EIF2AK2: variants seen among roughly 807,000 people sequenced by gnomAD.
EIF2AK2 encodes eukaryotic translation initiation factor 2 alpha kinase 2, also known as interferon-induced, double-stranded RNA-activated protein kinase.
EIF2AK2 carries 40 observed loss-of-function variants against 70.5 expected under a neutral mutation model. That is an observed-to-expected ratio of 0.57 (90% CI 0.44 to 0.74). The LOEUF is 0.74. EIF2AK2 is among the 30% of genes least tolerant of loss of function. EIF2AK2 has a pLI of 0.00. For missense variants in EIF2AK2, 555 were observed against 644.3 expected (o/e 0.86, Z 1.50); for synonymous variants, 198 against 220.9 (o/e 0.90, Z 0.92).
At chr2:37,154,837 C>T (rs556999398) in intron 1 of EIF2AK2, among the ~76,000 whole-genome samples, 15 of 152,308 alleles carry the variant, frequency 9.8e-5, no homozygotes, top group African/African-American at 3.1e-4. Context: ...GCTGCGATTA[C>T]AGGCATGAGC....
At chr2:37,141,485 C>T (rs1675328767) in intron 5 of EIF2AK2, 68 bp downstream of exon 5, 9 of 1,562,788 alleles carry the variant, frequency 5.8e-6, no homozygotes, top group Non-Finnish European at 7.8e-6. Flanking sequence ...GAAAATTAGA[C>T]ACGAAAATAA....
intron 13 of EIF2AK2, among the ~76,000 whole-genome samples, chr2:37,117,657 A>T (rs1048496807): frequency 1.3e-5 from 2 of 152,242 alleles, no homozygotes; most frequent in African/African-American, 4.8e-5. Context: ...GAGGCACAGG[A>T]ACAGGACTGA....
chr2:37,154,340 A>C (rs1049830473), intron 1 of EIF2AK2, among the ~76,000 whole-genome samples: 6 of 152,100 alleles, frequency 3.9e-5, no homozygotes, highest in African/African-American at 1.4e-4. Context: ...AAAAAAACAA[A>C]AACAAAACAA....
At chr2:37,126,785 C>G (rs1156823022) in intron 10 of EIF2AK2, among the ~76,000 whole-genome samples, 1 of 151,596 alleles carries the variant, frequency 6.6e-6, no homozygotes, top group Non-Finnish European at 1.5e-5. Context: ...GGTGAAACCC[C>G]GTCTCTACTA....
At position 37,135,028 on chromosome 2, in the gene EIF2AK2, G is replaced by A. The variant is rs564331795; in HGVS notation, c.785+456C>T. Among the ~76,000 whole-genome samples the A allele has an allele frequency of 5.3e-5, 8 of 152,218 alleles. No homozygotes were observed. In the South Asian group the frequency reaches 1.7e-3, roughly 32 times the overall value. Reference sequence around the variant, plus strand: ...TAAAGCTCTTTCCACAGAATTACAGGGTTCTTTAGAAGATATAGCCTGAAG... The same window carrying A: ...TAAAGCTCTTTCCACAGAATTACAGAGTTCTTTAGAAGATATAGCCTGAAG... On this transcript the variant is annotated intron_variant, in intron 10 of 16. Transcript: ENST00000233057.
Position 37,139,657 on chromosome 2 carries a change from G to A in EIF2AK2, c.490C>T (p.Gln164Ter). ...KQLAAKLAYL[Q>*]ILSEETSVKS... The stretch of plus-strand genomic sequence containing the variant: ...ACTGAGGTTTCTTCTGATAATATCT[G>A]AAGATATGCAAGTTTAGCGGCCAAT... Residue 164 changes from glutamine to a stop codon, truncating the protein, a stop_gained, in exon 6 of 17, where the codon CAG becomes TAG. Transcript: ENST00000233057. LOFTEE classifies it high-confidence loss of function. The A allele has an allele frequency of 3.7e-6, 6 of 1,613,976 alleles. No homozygotes were observed. The highest frequency in any genetic ancestry group is 5.1e-6 in the Non-Finnish European group (6 of 1,179,988).
At chr2:37,123,192 C>T (rs190865036) in intron 11 of EIF2AK2, among the ~76,000 whole-genome samples, 119 of 151,820 alleles carry the variant, frequency 7.8e-4, no homozygotes, top group African/African-American at 2.8e-3. Context: ...TAAAAGGCAG[C>T]GACTTAATGC....
chr2:37,151,880 C>T (rs991868162), intron 1 of EIF2AK2, among the ~76,000 whole-genome samples: 1 of 152,198 alleles, frequency 6.6e-6, no homozygotes, highest in Non-Finnish European at 1.5e-5. Context: ...AGATCGAGAC[C>T]ACGGTGAAAC....
intron 4 of EIF2AK2, 140 bp downstream of exon 4, chr2:37,146,710 ATAG>A: frequency 1.0e-6 from 1 of 999,116 alleles, no homozygotes; most frequent in Non-Finnish European, 1.4e-6. Context: ...AGAAATGAAG[ATAG>A]GGTGAATGAC....
At chr2:37,111,929 C>A (rs1381451874) in intron 14 of EIF2AK2, among the ~76,000 whole-genome samples, 1 of 134,432 alleles carries the variant, frequency 7.4e-6, no homozygotes, top group African/African-American at 2.8e-5. Context: ...AAATCTCTCT[C>A]TCTCTCTCTC....
At position 37,147,713 on chromosome 2, in the gene EIF2AK2, T is replaced by C. The variant is rs1245925198; in HGVS notation, c.94A>G (p.Asn32Asp). 6.2e-7 allele frequency: 1 copy of C among 1,612,822 alleles called. No homozygotes were observed. The highest frequency in any genetic ancestry group is 8.5e-7 in the Non-Finnish European group (1 of 1,179,264). Residue 32 changes from asparagine (N) to aspartate (D), a missense_variant, in exon 3 of 17, where the codon AAT (asparagine) becomes GAT (aspartate). Physicochemically the swap from Asn to Asp is conservative, Grantham distance 23. This residue lies in a region of EIF2AK2 where 48 missense variants were observed against 77.1 expected (regional missense o/e 0.62). Transcript: ENST00000233057. ...GVVLKYQELPNSGPPHDRRFT... is the reference protein window; with the variant it reads ...GVVLKYQELPDSGPPHDRRFT... Reference sequence around the variant, plus strand: ...CTCCTATCATGTGGAGGTCCTGAATTAGGCAGTTCTTGATATTTAAGTACT... The same window carrying C: ...CTCCTATCATGTGGAGGTCCTGAATCAGGCAGTTCTTGATATTTAAGTACT...
chr2:37,115,315 G>T (rs936168431), intron 13 of EIF2AK2: 4 of 151,014 alleles, frequency 2.6e-5, no homozygotes, highest in African/African-American at 1.0e-4. Context: ...ACCCACCTTG[G>T]CCTCCCAAAG....
At chr2:37,147,058 T>A in intron 3 of EIF2AK2, 85 bp from the exon 4 acceptor site, 1 of 1,308,198 alleles carries the variant, frequency 7.6e-7, no homozygotes, top group Non-Finnish European at 1.0e-6. Context: ...CTACCTCCTA[T>A]GACTACCTTT....
At position 37,120,502 on chromosome 2, in the gene EIF2AK2, G is replaced by A. The variant is rs1467199417; in HGVS notation, c.1068-363C>T. The stretch of plus-strand genomic sequence containing the variant: ...AGCCTGGGTGACAGAGCGAGATTCC[G>A]TCTCACAAAAAAAAAAAAAAAAAGA... On this transcript the variant is annotated intron_variant, in intron 12 of 16. Coordinates refer to ENST00000233057, the MANE Select transcript of EIF2AK2 (RefSeq NM_001135651.3). Among the ~76,000 whole-genome samples the A allele has an allele frequency of 1.1e-4, 6 of 53,166 alleles. No homozygotes were observed. The East Asian group carries it at 3.4e-3, about 30-fold the overall frequency. The allele number at this position is 53,166 out of a possible 152,430, so 34.9% of individuals were successfully genotyped here.
At chr2:37,143,043 A>T (rs1045622649) in intron 4 of EIF2AK2, among the ~76,000 whole-genome samples, 1 of 152,142 alleles carries the variant, frequency 6.6e-6, no homozygotes, top group African/African-American at 2.4e-5. Flanking sequence ...CCTGGCCAAC[A>T]TAGTGAAACC....
intron 12 of EIF2AK2, among the ~76,000 whole-genome samples, chr2:37,121,387 C>T (rs1674545332): frequency 6.7e-6 from 1 of 149,392 alleles, no homozygotes; most frequent in Non-Finnish European, 1.5e-5. Flanking sequence ...ATGCAGGAAA[C>T]TAAATTTCAT....
At chr2:37,111,220 T>C (rs1308778377) in intron 14 of EIF2AK2, among the ~76,000 whole-genome samples, 3 of 152,150 alleles carry the variant, frequency 2.0e-5, no homozygotes, top group Admixed American at 1.3e-4. Context: ...TGTGGATGTA[T>C]GGTGGTGATG....
chr2:37,138,941 A>C (rs184995289), intron 6 of EIF2AK2, among the ~76,000 whole-genome samples: 9 of 150,478 alleles, frequency 6.0e-5, no homozygotes, highest in African/African-American at 1.2e-4. Flanking sequence ...GACTACAGGT[A>C]CATGCCACCA....
At chr2:37,137,177 T>TA (rs1346414666) in intron 8 of EIF2AK2, among the ~76,000 whole-genome samples, 160 bp from the exon 9 acceptor site, 1 of 152,234 alleles carries the variant, frequency 6.6e-6, no homozygotes, top group Admixed American at 6.5e-5. Flanking sequence ...CTTAGTATTG[T>TA]AAGACTTAAC....
Sources: allele counts gnomAD v4.1 joint callset (sites outside exome capture counted in the v4.1 genomes callset), GRCh38; gene constraint gnomAD v4.1.1; regional missense constraint gnomAD v4.1.1; transcripts MANE v1.5; gene names NCBI Gene and HGNC (gene_info 2026-07-23, HGNC 2026-07-21).